GSG1L: variants seen among roughly 807,000 people sequenced by gnomAD.
GSG1L encodes the protein GSG1 like.
In GSG1L, 24 loss-of-function variants were observed where a neutral mutation model predicts 42.1. The observed-to-expected ratio is 0.57, with a 90% confidence interval of 0.41 to 0.80. GSG1L has a LOEUF of 0.80. GSG1L is among the 30% of genes least tolerant of loss of function. The pLI is 0.00. For synonymous variants in GSG1L, 215 were observed against 203.5 expected (o/e 1.06, Z -0.48); for missense variants, 445 against 472.2 (o/e 0.94, Z 0.53).
intron 1 of GSG1L, among the ~76,000 whole-genome samples, chr16:27,991,265 C>A (rs188289832): frequency 6.6e-6 from 1 of 152,070 alleles, no homozygotes; most frequent in Admixed American, 6.6e-5. Context: ...TAAAGGAGAA[C>A]TGGGTTTTAA....
intron 2 of GSG1L, among the ~76,000 whole-genome samples, chr16:27,891,884 C>CTTTTTTTT (rs60746199): frequency 0.015 from 1,125 of 74,314 alleles, 179 homozygotes; most frequent in East Asian, 0.02. Flanking sequence ...AGTGACAGAT[C>CTTTTTTTT]TTTTTTTTTT....
chr16:27,880,251 G>A (rs1029573927), intron 3 of GSG1L, among the ~76,000 whole-genome samples: 1 of 152,180 alleles, frequency 6.6e-6, no homozygotes, highest in Non-Finnish European at 1.5e-5. Context: ...CTCAGCAGCA[G>A]CCTCAAAGTT....
At chr16:28,057,905 G>C (rs77069543) in intron 1 of GSG1L, among the ~76,000 whole-genome samples, 6,534 of 152,284 alleles carry the variant, frequency 0.043, 471 homozygotes, top group African/African-American at 0.14. Context: ...TGGGTCATGG[G>C]ACAGGGCTCT....
intron 1 of GSG1L, among the ~76,000 whole-genome samples, chr16:28,032,944 G>A (rs1423151260): frequency 1.3e-5 from 2 of 152,122 alleles, no homozygotes; most frequent in Non-Finnish European, 1.5e-5. Context: ...CAATCAGAAT[G>A]CACTTTTGTT....
At chr16:27,816,204 A>G (rs983660537) in intron 5 of GSG1L, among the ~76,000 whole-genome samples, 3 of 152,064 alleles carry the variant, frequency 2.0e-5, no homozygotes, top group African/African-American at 7.2e-5. Context: ...CCCTCCCCAA[A>G]CACACACTCC....
intron 5 of GSG1L, among the ~76,000 whole-genome samples, chr16:27,809,228 T>C (rs2083002984): frequency 6.6e-6 from 1 of 151,842 alleles, no homozygotes; most frequent in Non-Finnish European, 1.5e-5. Context: ...CCCTAATCTC[T>C]AGAAAACATC....
intron 2 of GSG1L, among the ~76,000 whole-genome samples, chr16:27,934,201 T>A (rs9938094): frequency 0.016 from 2,496 of 152,268 alleles, 59 homozygotes; most frequent in African/African-American, 0.057. Flanking sequence ...AAAATAAATG[T>A]ACAGGGCAGG....
chr16:27,936,920 A>G (rs893027697), intron 2 of GSG1L, among the ~76,000 whole-genome samples: 1 of 152,204 alleles, frequency 6.6e-6, no homozygotes, highest in African/African-American at 2.4e-5. Flanking sequence ...GAGGCAGCCC[A>G]TGCATCCTCA....
Position 27,900,580 on chromosome 16 carries a change from G to A in GSG1L, c.398-15942C>T, listed in dbSNP as rs187015404. Among the ~76,000 whole-genome samples the A allele has an allele frequency of 3.9e-3, 591 of 152,272 alleles. 1 individual carries two copies. Among genetic ancestry groups the A allele is most frequent in the Non-Finnish European group, 6.6e-3 (448 of 68,020 alleles). ...CCATCTTCCAGGTAAGGACACTGAG[G>A]CAGAGAGAAGGAAAGAGATTCACCC... On this transcript the variant is annotated intron_variant, in intron 2 of 6. Coordinates refer to ENST00000447459, the MANE Select transcript of GSG1L (RefSeq NM_001109763.2).
At chr16:27,804,098 CAGAGAG>C (rs148259449) in intron 6 of GSG1L, among the ~76,000 whole-genome samples, 1 of 144,914 alleles carries the variant, frequency 6.9e-6, no homozygotes, top group Admixed American at 6.9e-5. Context: ...TAGGGAGGGA[CAGAGAG>C]AGAGAGAGAG....
At chr16:28,056,334 A>C (rs1458886914) in intron 1 of GSG1L, among the ~76,000 whole-genome samples, 1 of 152,070 alleles carries the variant, frequency 6.6e-6, no homozygotes, top group Non-Finnish European at 1.5e-5. Flanking sequence ...ACATGGATGA[A>C]GCTGGAAACC....
chr16:27,963,059 A>C (rs2085088065), intron 2 of GSG1L, 97 bp downstream of exon 2: 1 of 1,022,816 alleles, frequency 9.8e-7, no homozygotes, highest in South Asian at 1.3e-5. Context: ...GGGATGCTGA[A>C]GAAGATGCTA....
At chr16:28,020,713 AT>A (rs2085832773) in intron 1 of GSG1L, among the ~76,000 whole-genome samples, 1 of 152,248 alleles carries the variant, frequency 6.6e-6, no homozygotes, top group African/African-American at 2.4e-5. Context: ...CACAAAAGGC[AT>A]TGCAACTTCT....
At chr16:27,904,989 G>C (rs1596601662) in intron 2 of GSG1L, among the ~76,000 whole-genome samples, 1 of 152,174 alleles carries the variant, frequency 6.6e-6, no homozygotes, top group African/African-American at 2.4e-5. Context: ...AAAGAAGCCA[G>C]AAATCTTGGG....
chr16:27,879,356 G>T (rs1328509892), intron 3 of GSG1L, among the ~76,000 whole-genome samples: 1 of 152,204 alleles, frequency 6.6e-6, no homozygotes, highest in East Asian at 1.9e-4. Flanking sequence ...TGTAATCTCA[G>T]CACTTTGGGA....
rs987141358 is a variant in GSG1L, at chr16:28,008,944, G to A, written c.350-45741C>T. Among the ~76,000 whole-genome samples the A allele has an allele frequency of 1.3e-4, 20 of 152,222 alleles. No homozygotes were observed. In the South Asian group the frequency reaches 4.1e-3, roughly 32 times the overall value. On this transcript the variant is annotated intron_variant, in intron 1 of 6. Transcript: ENST00000447459. ...CTGCCTCAGCCTCCAGAGTAGCTGGGATTACAGTTACCCGCCACCACGCCT... is the reference window on the plus strand; with the variant it reads ...CTGCCTCAGCCTCCAGAGTAGCTGGAATTACAGTTACCCGCCACCACGCCT...
intron 1 of GSG1L, among the ~76,000 whole-genome samples, chr16:27,995,372 C>T (rs1371897691): frequency 1.3e-5 from 2 of 152,120 alleles, no homozygotes; most frequent in Non-Finnish European, 2.9e-5. Flanking sequence ...CATAATAAAA[C>T]CCCACGGTGG....
At chr16:27,839,163 G>C (rs2083351397) in intron 4 of GSG1L, among the ~76,000 whole-genome samples, 1 of 152,214 alleles carries the variant, frequency 6.6e-6, no homozygotes, top group Admixed American at 6.5e-5. Context: ...AGACTAGAAA[G>C]GGAGGGACAG....
At chr16:28,030,550 C>G (rs1320716550) in intron 1 of GSG1L, among the ~76,000 whole-genome samples, 5 of 152,170 alleles carry the variant, frequency 3.3e-5, no homozygotes, top group Admixed American at 2.6e-4. Context: ...TATATGAGCA[C>G]CTGGATCCAG....
Sources: allele counts gnomAD v4.1 joint callset (sites outside exome capture counted in the v4.1 genomes callset), GRCh38; gene constraint gnomAD v4.1.1; transcripts MANE v1.5; gene names NCBI Gene and HGNC (gene_info 2026-07-23, HGNC 2026-07-21).